Variants in CES5A observed in about 807,000 individuals in gnomAD.
The protein encoded by CES5A is carboxylesterase 5.
A neutral mutation model predicts 62.9 loss-of-function variants in CES5A; 67 were observed. The observed-to-expected ratio is 1.07, with a 90% CI of 0.88 to 1.31. CES5A has a LOEUF of 1.31. Among genes scored for constraint, CES5A ranks in the 50% most tolerant of loss-of-function variants. The pLI, the probability that CES5A is intolerant of heterozygous loss-of-function variation, is 0.00. For missense variants in CES5A, 748 were observed against 708.5 expected, an observed-to-expected ratio of 1.06 and a Z score of -0.63; for synonymous variants, 296 against 280.8, an observed-to-expected ratio of 1.05 and a Z score of -0.54.
At chr16:55,894,662 G>C (rs1446387647) in intron 1 of CES5A, among the ~76,000 whole-genome samples, 1 of 152,052 alleles carries the variant, frequency 6.6e-6, no homozygotes, top group Non-Finnish European at 1.5e-5. Flanking sequence ...AACTTTATCT[G>C]AACACTGGAA....
intron 5 of CES5A, 41 bp downstream of exon 5, chr16:55,865,922 C>T (rs375692774): frequency 2.2e-5 from 35 of 1,611,036 alleles, no homozygotes; most frequent in Non-Finnish European, 2.4e-5. Flanking sequence ...TTGGAACCTC[C>T]GGCACTGAGA....
intron 1 of CES5A, among the ~76,000 whole-genome samples, chr16:55,922,379 G>A (rs992840009): frequency 1.3e-5 from 2 of 151,742 alleles, no homozygotes; most frequent in African/African-American, 4.8e-5. Context: ...AAACCAAAAA[G>A]GAGCAGAAGT....
intron 1 of CES5A, among the ~76,000 whole-genome samples, chr16:55,891,305 C>A (rs1306651091): frequency 1.3e-5 from 2 of 152,210 alleles, no homozygotes; most frequent in East Asian, 3.8e-4. Context: ...AGGGCACACC[C>A]TTCTATAGAA....
intron 2 of CES5A, chr16:55,944,431 C>G: frequency 4.0e-6 from 1 of 248,394 alleles, no homozygotes; most frequent in Non-Finnish European, 7.9e-6. Flanking sequence ...TGCGGTCCAA[C>G]CTTTTTTCCC....
At chr16:55,902,969 G>A (rs182083168) in intron 1 of CES5A, among the ~76,000 whole-genome samples, 5 of 152,228 alleles carry the variant, frequency 3.3e-5, no homozygotes, top group African/African-American at 1.2e-4. Context: ...AGGAAAGAAA[G>A]ACAGACAGTA....
chr16:55,850,431 AT>A (rs1267101343), intron 10 of CES5A, among the ~76,000 whole-genome samples: 1 of 152,228 alleles, frequency 6.6e-6, no homozygotes, highest in Non-Finnish European at 1.5e-5. Flanking sequence ...TTCTGTGTCT[AT>A]GGCTTTGCCT....
At chr16:55,935,099 C>T (rs905024808) in intron 2 of CES5A, among the ~76,000 whole-genome samples, 4 of 152,132 alleles carry the variant, frequency 2.6e-5, no homozygotes, top group African/African-American at 4.8e-5. Flanking sequence ...TGCACCACCA[C>T]GCTTGGCTAA....
At chr16:55,851,827 A>G (rs1465281994) in intron 10 of CES5A, among the ~76,000 whole-genome samples, 1 of 152,262 alleles carries the variant, frequency 6.6e-6, no homozygotes, top group Non-Finnish European at 1.5e-5. Flanking sequence ...AAAATGTGAT[A>G]TATACATACA....
At chr16:55,931,253 T>A (rs1885445521) in intron 2 of CES5A, among the ~76,000 whole-genome samples, 1 of 152,234 alleles carries the variant, frequency 6.6e-6, no homozygotes, top group South Asian at 2.1e-4. Flanking sequence ...CAGTCTATTT[T>A]CTACACAACA....
chr16:55,898,667 T>C (rs549399925), intron 1 of CES5A, among the ~76,000 whole-genome samples: 1 of 152,288 alleles, frequency 6.6e-6, no homozygotes, highest in African/African-American at 2.4e-5. Context: ...AAAGGTTTCA[T>C]CCTCATAAAG....
At chr16:55,889,064 C>A (rs772159038) in intron 1 of CES5A, among the ~76,000 whole-genome samples, 10 of 151,862 alleles carry the variant, frequency 6.6e-5, no homozygotes, top group Non-Finnish European at 1.2e-4. Flanking sequence ...TGACCTAAAC[C>A]CAGGAAAATA....
intron 1 of CES5A, among the ~76,000 whole-genome samples, chr16:55,953,150 T>C (rs929338608): frequency 6.6e-6 from 1 of 152,228 alleles, no homozygotes; most frequent in African/African-American, 2.4e-5. Context: ...AAATTTAATG[T>C]AATTTAACAA....
At chr16:55,914,677 A>G (rs2034127433) in intron 1 of CES5A, among the ~76,000 whole-genome samples, 1 of 152,148 alleles carries the variant, frequency 6.6e-6, no homozygotes, top group Non-Finnish European at 1.5e-5. Context: ...TCTGGACTCT[A>G]ACGTTTGAGA....
chr16:55,912,987 C>G (rs2034110063), intron 1 of CES5A, among the ~76,000 whole-genome samples: 2 of 152,198 alleles, frequency 1.3e-5, no homozygotes, highest in South Asian at 4.1e-4. Flanking sequence ...ACCTTGCCGG[C>G]TGCCTAGACA....
intron 1 of CES5A, among the ~76,000 whole-genome samples, chr16:55,881,497 T>C (rs1429211634): frequency 3.3e-5 from 5 of 152,172 alleles, no homozygotes; most frequent in Admixed American, 6.5e-5. Context: ...ACTTACTGTA[T>C]TCAAGAATGC....
At chr16:55,869,356 C>A in intron 4 of CES5A, 1 of 453,142 alleles carries the variant, frequency 2.2e-6, no homozygotes, top group Non-Finnish European at 3.5e-6. Context: ...CCTGGTTGAC[C>A]ATGAGGAAGA....
intron 1 of CES5A, among the ~76,000 whole-genome samples, chr16:55,902,044 G>A (rs1242656280): frequency 6.6e-6 from 1 of 152,152 alleles, no homozygotes; most frequent in African/African-American, 2.4e-5. Context: ...CTTCCTCTTT[G>A]ATCTCAGCCT....
chr16:55,856,637 A>G (rs143576550), intron 8 of CES5A, among the ~76,000 whole-genome samples, 192 bp from the exon 9 acceptor site: 394 of 152,346 alleles, frequency 2.6e-3, no homozygotes, highest in South Asian at 0.025. Context: ...GATAAAAGGC[A>G]GCTGTTCCTT....
chr16:55,859,767 C>T, intron 7 of CES5A, 80 bp from the exon 8 acceptor site: 1 of 1,369,302 alleles, frequency 7.3e-7, no homozygotes, highest in Non-Finnish European at 1.0e-6. Flanking sequence ...AAATCCTGGC[C>T]AAGAAAAGCC....
Sources: allele counts gnomAD v4.1 joint callset (sites outside exome capture counted in the v4.1 genomes callset), GRCh38; gene constraint gnomAD v4.1.1; transcripts MANE v1.5; gene names NCBI Gene and HGNC (gene_info 2026-07-23, HGNC 2026-07-21).